Variants in GRM8 observed in about 807,000 individuals in gnomAD.
The protein encoded by GRM8 is metabotropic glutamate receptor 8.
GRM8 carries 47 observed loss-of-function variants against 87.2 expected under a neutral mutation model. The ratio of observed to expected loss-of-function variants is 0.54; its 90% CI spans 0.43 to 0.69. The LOEUF (loss-of-function observed/expected upper bound fraction) is 0.69, where lower values mean the gene tolerates loss of function less well. Ranked by LOEUF, GRM8 falls within the 30% of genes least tolerant of loss-of-function variation. The probability of loss-of-function intolerance (pLI) is 0.00; values close to 1 mark genes in which losing one functional copy is unlikely to be tolerated. For synonymous variants in GRM8, 396 were observed against 404.5 expected, an observed-to-expected ratio of 0.98 and a Z score of 0.25; for missense variants, 1,019 against 1,139.2, an observed-to-expected ratio of 0.89 and a Z score of 1.52.
At chr7:126,642,246 A>T (rs1802478580) in intron 7 of GRM8, among the ~76,000 whole-genome samples, 2 of 152,202 alleles carry the variant, frequency 1.3e-5, no homozygotes, top group African/African-American at 4.8e-5. Flanking sequence ...TGCTGAAGGT[A>T]TTTGATGCTC....
intron 6 of GRM8, among the ~76,000 whole-genome samples, chr7:126,817,670 G>T (rs1044905968): frequency 2.5e-4 from 38 of 152,120 alleles, no homozygotes; most frequent in African/African-American, 8.9e-4. Context: ...AACCACTTTT[G>T]CTATCATCAG....
chr7:126,646,318 GGAAGA>G, intron 7 of GRM8, among the ~76,000 whole-genome samples: 2 of 145,644 alleles, frequency 1.4e-5, no homozygotes, highest in Non-Finnish European at 3.0e-5. Context: ...AAGGAAGGAA[GGAAGA>G]AAGGAAGGAA....
intron 7 of GRM8, among the ~76,000 whole-genome samples, chr7:126,617,292 T>A (rs968521873): frequency 6.6e-6 from 1 of 152,198 alleles, no homozygotes; most frequent in Non-Finnish European, 1.5e-5. Flanking sequence ...ATTATCTCAA[T>A]AGATGAAGAA....
At chr7:126,709,721 T>G (rs2151422844) in intron 7 of GRM8, among the ~76,000 whole-genome samples, 1 of 152,282 alleles carries the variant, frequency 6.6e-6, no homozygotes, top group South Asian at 2.1e-4. Flanking sequence ...CTATTCCTCC[T>G]TTTCCATTGT....
At chr7:126,457,037 A>G (rs993079577) in intron 9 of GRM8, among the ~76,000 whole-genome samples, 5 of 151,382 alleles carry the variant, frequency 3.3e-5, no homozygotes, top group African/African-American at 4.8e-5. Flanking sequence ...ACATAATACG[A>G]TATTTTCATC....
intron 2 of GRM8, among the ~76,000 whole-genome samples, chr7:127,226,822 C>T (rs1797357827): frequency 6.6e-6 from 1 of 152,210 alleles, no homozygotes; most frequent in African/African-American, 2.4e-5. Context: ...ATAATATGCT[C>T]ACATCATTTC....
At chr7:127,044,997 CTCTG>C (rs1818793004) in intron 3 of GRM8, among the ~76,000 whole-genome samples, 1 of 151,574 alleles carries the variant, frequency 6.6e-6, no homozygotes, top group Non-Finnish European at 1.5e-5. Flanking sequence ...CCATTTCCCT[CTCTG>C]TTTCTCCTCA....
intron 3 of GRM8, among the ~76,000 whole-genome samples, chr7:127,085,427 C>T (rs899190293): frequency 1.3e-5 from 2 of 152,230 alleles, no homozygotes; most frequent in African/African-American, 2.4e-5. Flanking sequence ...ACATTCCCAC[C>T]AACAGTGTAA....
At chr7:126,471,374 G>A (rs1277804883) in intron 9 of GRM8, among the ~76,000 whole-genome samples, 1 of 152,132 alleles carries the variant, frequency 6.6e-6, no homozygotes, top group African/African-American at 2.4e-5. Flanking sequence ...TGTATAAGGT[G>A]TAAGGAAGGG....
intron 7 of GRM8, among the ~76,000 whole-genome samples, chr7:126,755,632 T>C (rs1816917878): frequency 6.6e-6 from 1 of 151,952 alleles, no homozygotes; most frequent in African/African-American, 2.4e-5. Flanking sequence ...TGTGTTTTCC[T>C]CCCTGGTAAA....
At chr7:126,680,852 C>G (rs1237042770) in intron 7 of GRM8, among the ~76,000 whole-genome samples, 1 of 152,178 alleles carries the variant, frequency 6.6e-6, no homozygotes, top group Admixed American at 6.5e-5. Flanking sequence ...TTTTCAGAAG[C>G]CCCTGAAGTG....
At chr7:126,706,507 A>G (rs187896456) in intron 7 of GRM8, among the ~76,000 whole-genome samples, 1 of 152,278 alleles carries the variant, frequency 6.6e-6, no homozygotes, top group Non-Finnish European at 1.5e-5. Context: ...ATTTTGTCTT[A>G]TTCAGGCTGT....
At chr7:126,702,421 G>T (rs1182270651) in intron 7 of GRM8, among the ~76,000 whole-genome samples, 1 of 152,130 alleles carries the variant, frequency 6.6e-6, no homozygotes, top group East Asian at 1.9e-4. Flanking sequence ...CCGCAGCTAG[G>T]GATCTGGATT....
At position 126,669,836 on chromosome 7, in the gene GRM8, A is replaced by G. The variant is rs185848352; in HGVS notation, c.1358-60338T>C. On this transcript the variant is annotated intron_variant, in intron 7 of 10. Coordinates refer to ENST00000339582, the MANE Select transcript of GRM8 (RefSeq NM_000845.3). ...TGTAAAATGTTATAAGAAGGCATGG[A>G]AATATAAATTTTTGCCTAGGGTTAA... is the stretch of plus-strand genomic sequence containing the variant. Among the ~76,000 whole-genome samples the G allele has an allele frequency of 4.1e-3, 617 of 152,338 alleles. 6 individuals are homozygous for G. The highest frequency in any genetic ancestry group is 0.014 in the African/African-American group (588 of 41,574).
At chr7:127,078,243 T>C (rs1247086612) in intron 3 of GRM8, among the ~76,000 whole-genome samples, 1 of 152,230 alleles carries the variant, frequency 6.6e-6, no homozygotes, top group Non-Finnish European at 1.5e-5. Context: ...CAGCCTTTCC[T>C]GGTCCCTCTT....
At chr7:126,618,698 C>A (rs553508078) in intron 7 of GRM8, among the ~76,000 whole-genome samples, 1 of 152,258 alleles carries the variant, frequency 6.6e-6, no homozygotes, top group South Asian at 2.1e-4. Flanking sequence ...ACAACCCCAT[C>A]AACAAGTGCG....
At chr7:126,902,143 G>T (rs114448156) in intron 6 of GRM8, among the ~76,000 whole-genome samples, 1 of 152,120 alleles carries the variant, frequency 6.6e-6, no homozygotes, top group East Asian at 1.9e-4. Context: ...AGAGGACAGC[G>T]ATTAAAATAG....
At chr7:127,206,203 C>T (rs1795903253) in intron 2 of GRM8, among the ~76,000 whole-genome samples, 1 of 152,232 alleles carries the variant, frequency 6.6e-6, no homozygotes, top group Non-Finnish European at 1.5e-5. Context: ...GAGGTACAGT[C>T]ACACCAGTCC....
intron 7 of GRM8, among the ~76,000 whole-genome samples, chr7:126,725,981 C>T (rs1812926543): frequency 6.6e-6 from 1 of 152,134 alleles, no homozygotes; most frequent in South Asian, 2.1e-4. Flanking sequence ...CCACCAGGCC[C>T]CATCTCTAAC....
Sources: allele counts gnomAD v4.1 joint callset (sites outside exome capture counted in the v4.1 genomes callset), GRCh38; gene constraint gnomAD v4.1.1; transcripts MANE v1.5; gene names NCBI Gene and HGNC (gene_info 2026-07-23, HGNC 2026-07-21).